Variants in NUP188 observed in about 807,000 individuals in gnomAD.
NUP188 encodes nucleoporin NUP188.
In NUP188, 97 loss-of-function variants were observed where a neutral mutation model predicts 223.0. The observed-to-expected ratio is 0.43, with a 90% CI of 0.37 to 0.51. The LOEUF is 0.51. NUP188 is among the 20% of genes least tolerant of loss of function. The pLI, the probability that NUP188 is intolerant of heterozygous loss-of-function variation, is 0.00. For synonymous variants in NUP188, 869 were observed against 828.0 expected, an observed-to-expected ratio of 1.05 and a Z score of -0.85; for missense variants, 1,947 against 2,175.6, an observed-to-expected ratio of 0.89 and a Z score of 2.09.
At chr9:128,992,867 T>C (rs971135722) in intron 25 of NUP188, among the ~76,000 whole-genome samples, 4 of 152,262 alleles carry the variant, frequency 2.6e-5, no homozygotes, top group African/African-American at 9.6e-5. Context: ...TTTATACTTA[T>C]AACACCAAGT....
At position 128,958,947 on chromosome 9, in the gene NUP188, T is replaced by C; in HGVS notation, c.465+53T>C. 2.2e-6 allele frequency: 3 copies of C among 1,385,492 alleles called. No individual in the cohort carries two copies. In the South Asian group the frequency reaches 4.3e-5, roughly 20 times the overall value. 85.8% of individuals were successfully genotyped at this position (1,385,492 alleles called of 1,614,324 possible). On this transcript the variant is annotated intron_variant, in intron 7 of 43. Transcript: ENST00000372577. ...CTTTATACTGTATCATCTTAATAATTTTATTAATATTTATTTGAATATTTA... is the reference window on the plus strand; with the variant it reads ...CTTTATACTGTATCATCTTAATAATCTTATTAATATTTATTTGAATATTTA...
intron 30 of NUP188, among the ~76,000 whole-genome samples, chr9:128,997,309 C>G (rs1301687740): frequency 6.6e-6 from 1 of 152,086 alleles, no homozygotes; most frequent in Non-Finnish European, 1.5e-5. Flanking sequence ...ATCAGTTGGA[C>G]CAGATCCTGT....
rs1461455819 is a variant in NUP188 at position 129,006,276 on chromosome 9, C to T, written c.4981C>T (p.Leu1661=). 6.8e-6 allele frequency: 11 copies of T among 1,614,062 alleles called. No homozygotes were observed. Among genetic ancestry groups the T allele is most frequent in the Non-Finnish European group, 9.3e-6 (11 of 1,180,042 alleles). ...LMFTMENCFY[L]LISQAMRYLR... ...GTTTACCATGGAAAACTGCTTCTACCTGCTCATCTCTCAGGCGATGCGGTA... is the reference window on the plus strand; with the variant it reads ...GTTTACCATGGAAAACTGCTTCTACTTGCTCATCTCTCAGGCGATGCGGTA... The change falls in exon 43 of 44, where the codon CTG becomes TTG. Residue 1661 remains leucine (L), a synonymous_variant. Coordinates refer to ENST00000372577, the MANE Select transcript of NUP188 (RefSeq NM_015354.3).
intron 2 of NUP188, among the ~76,000 whole-genome samples, chr9:128,949,848 T>A (rs918768513): frequency 6.6e-6 from 1 of 151,834 alleles, no homozygotes; most frequent in Non-Finnish European, 1.5e-5. Flanking sequence ...AGGCTGGTGT[T>A]GAACTCCTGA....
In NUP188 at chr9:128,999,319, TGAGGGGCA is replaced by T; in HGVS notation, c.3661+7_3661+14del. On this transcript the variant is annotated splice_donor_5th_base_variant and intron_variant, in intron 33 of 43. Coordinates refer to ENST00000372577, the MANE Select transcript of NUP188 (RefSeq NM_015354.3). The stretch of plus-strand genomic sequence containing the variant: ...TGTTGCAAATGAAGGAGATGAAAGG[TGAGGGGCA>T]GAGGCAGGGGGAGCAGCAGCTGCAG... 1 of 1,613,490 alleles carries T rather than the reference TGAGGGGCA, an allele frequency of 6.2e-7. No individual in the cohort carries two copies.
chr9:128,981,846 G>C (rs1341167041), intron 15 of NUP188, among the ~76,000 whole-genome samples: 2 of 152,180 alleles, frequency 1.3e-5, no homozygotes, highest in Non-Finnish European at 2.9e-5. Context: ...TACAGGCCAA[G>C]GTGGGCGGAT....
At chr9:128,979,778 G>A (rs1842230337) in intron 13 of NUP188, among the ~76,000 whole-genome samples, 1 of 152,070 alleles carries the variant, frequency 6.6e-6, no homozygotes, top group Non-Finnish European at 1.5e-5. Context: ...GATTACAGGC[G>A]CCCGCCACCA....
intron 33 of NUP188, 93 bp downstream of exon 33, chr9:128,999,410 T>C: frequency 6.7e-7 from 1 of 1,493,910 alleles, no homozygotes; most frequent in Non-Finnish European, 9.1e-7. Context: ...GCCACACATT[T>C]CTTCTGGGAC....
At chr9:128,974,953 GT>G (rs1051636306) in intron 12 of NUP188, among the ~76,000 whole-genome samples, 3 of 151,652 alleles carry the variant, frequency 2.0e-5, no homozygotes, top group Non-Finnish European at 4.4e-5. Flanking sequence ...AAGAGATGGA[GT>G]TTTGCCATGT....
intron 5 of NUP188, 40 bp from the exon 6 acceptor site, chr9:128,957,970 C>G: frequency 2.6e-6 from 4 of 1,544,948 alleles, no homozygotes; most frequent in Non-Finnish European, 3.5e-6. Context: ...TGAGTTTTGC[C>G]TAAAAGATGG....
At chr9:128,984,794 A>G (rs937815142) in intron 19 of NUP188, 106 bp from the exon 20 acceptor site, 10 of 662,136 alleles carry the variant, frequency 1.5e-5, no homozygotes, top group Non-Finnish European at 2.3e-5. Context: ...GAGCTTTTCT[A>G]TTTTATATTC....
chr9:128,956,568 A>G, intron 4 of NUP188, 134 bp downstream of exon 4: 1 of 551,464 alleles, frequency 1.8e-6, no homozygotes, highest in African/African-American at 2.0e-5. Context: ...CCAGGTTGCA[A>G]CTCTTCTCCC....
At chr9:128,957,229 T>G (rs934542132) in intron 5 of NUP188, among the ~76,000 whole-genome samples, 197 bp downstream of exon 5, 1 of 152,166 alleles carries the variant, frequency 6.6e-6, no homozygotes, top group African/African-American at 2.4e-5. Flanking sequence ...TCCCAGCTTC[T>G]TGGGAGGCTG....
At chr9:128,952,418 A>C (rs1309690855) in intron 2 of NUP188, among the ~76,000 whole-genome samples, 2 of 147,768 alleles carry the variant, frequency 1.4e-5, no homozygotes, top group African/African-American at 5.0e-5. Flanking sequence ...AAAAAAAAAG[A>C]AAGCACAAAA....
chr9:128,975,037 A>G (rs1842156492), intron 12 of NUP188, among the ~76,000 whole-genome samples: 1 of 152,024 alleles, frequency 6.6e-6, no homozygotes, highest in African/African-American at 2.4e-5. Flanking sequence ...CTGGGATTAT[A>G]GGTGTGAGCC....
At chr9:128,970,394 C>T (rs1466499647) in intron 10 of NUP188, among the ~76,000 whole-genome samples, 1 of 151,872 alleles carries the variant, frequency 6.6e-6, no homozygotes, top group Non-Finnish European at 1.5e-5. Context: ...TTTAAGGAGC[C>T]TGTGAAAGAA....
In NUP188 at chr9:128,961,590, CTAGA is replaced by C. The variant is rs547085125; in HGVS notation, c.585+2486_585+2489del. Among the ~76,000 whole-genome samples the C allele has an allele frequency of 6.9e-4, 96 of 138,144 alleles. 2 individuals carry two copies. The highest frequency in any genetic ancestry group is 1.7e-3 in the East Asian group (8 of 4,820). The allele number at this position is 138,144 out of a possible 152,430, so 90.6% of individuals were successfully genotyped here. On this transcript the variant is annotated intron_variant, in intron 8 of 43. Transcript: ENST00000372577. The stretch of plus-strand genomic sequence containing the variant: ...TCTATATCTATATCTATCTATCTAT[CTAGA>C]TAGATAGATAGATAGATAGATAGAT...
At chr9:128,973,358 T>C (rs1842128507) in intron 12 of NUP188, 109 bp downstream of exon 12, 1 of 684,982 alleles carries the variant, frequency 1.5e-6, no homozygotes, top group African/African-American at 1.8e-5. Context: ...TGTTAATTTG[T>C]TTACTGGCAC....
chr9:128,956,317 G>T, intron 3 of NUP188, 33 bp from the exon 4 acceptor site: 1 of 1,331,744 alleles, frequency 7.5e-7, no homozygotes, highest in African/African-American at 1.5e-5. Flanking sequence ...GGGCTATTGA[G>T]AATGAAGAAA....
Sources: allele counts gnomAD v4.1 joint callset (sites outside exome capture counted in the v4.1 genomes callset), GRCh38; gene constraint gnomAD v4.1.1; transcripts MANE v1.5; gene names NCBI Gene and HGNC (gene_info 2026-07-23, HGNC 2026-07-21).